Variants in UBE2D2 observed in about 807,000 individuals in gnomAD.
UBE2D2 encodes the protein ubiquitin-conjugating enzyme E2 D2.
Under a neutral mutation model 24.2 loss-of-function variants are expected in UBE2D2, and 2 were observed. The ratio of observed to expected loss-of-function variants is 0.08; its 90% CI spans 0.03 to 0.26. The LOEUF is 0.26. Among genes scored for constraint, UBE2D2 ranks in the 10% least tolerant of loss-of-function variants. The pLI, the probability that UBE2D2 is intolerant of heterozygous loss-of-function variation, is 1.00. For missense variants in UBE2D2, 44 were observed against 177.6 expected (o/e 0.25, Z 4.28); for synonymous variants, 58 against 56.5 (o/e 1.03, Z -0.12).
intron 2 of UBE2D2, among the ~76,000 whole-genome samples, chr5:139,607,605 A>G (rs144678784): frequency 8.8e-4 from 134 of 152,320 alleles, no homozygotes; most frequent in Non-Finnish European, 1.4e-3. Flanking sequence ...AATGGATTAC[A>G]TATGTTTAGT....
chr5:139,601,579 A>C (rs2126686998), intron 2 of UBE2D2, among the ~76,000 whole-genome samples: 1 of 152,162 alleles, frequency 6.6e-6, no homozygotes, highest in Non-Finnish European at 1.5e-5. Flanking sequence ...ATGCCACTGC[A>C]CTCCAGCTTG....
intron 1 of UBE2D2, among the ~76,000 whole-genome samples, chr5:139,530,245 G>A (rs1300396902): frequency 6.6e-6 from 1 of 152,102 alleles, no homozygotes; most frequent in Non-Finnish European, 1.5e-5. Flanking sequence ...CCCCCACCAG[G>A]TTATACTGGA....
chr5:139,624,601 C>T (rs1054775907), intron 6 of UBE2D2, among the ~76,000 whole-genome samples: 2 of 152,254 alleles, frequency 1.3e-5, no homozygotes, highest in Admixed American at 6.5e-5. Context: ...GCCTGGCCAA[C>T]GGGGTGAAAC....
intron 1 of UBE2D2, among the ~76,000 whole-genome samples, chr5:139,535,486 G>A (rs1051264284): frequency 1.3e-5 from 2 of 150,640 alleles, no homozygotes; most frequent in Non-Finnish European, 3.0e-5. Flanking sequence ...AAAATCAGCC[G>A]GATGCAGTGG....
intron 1 of UBE2D2, among the ~76,000 whole-genome samples, chr5:139,584,667 G>C (rs557845450): frequency 6.7e-6 from 1 of 149,952 alleles, no homozygotes; most frequent in Non-Finnish European, 1.5e-5. Context: ...CTAGTAGCTG[G>C]GATTACAGGC....
intron 1 of UBE2D2, among the ~76,000 whole-genome samples, chr5:139,568,832 A>C (rs932908558): frequency 4.6e-5 from 7 of 152,050 alleles, no homozygotes; most frequent in Middle Eastern, 3.2e-3. Context: ...TTAGCCGGGC[A>C]TGGTGGTGAG....
chr5:139,577,837 C>T (rs967039861), intron 1 of UBE2D2, among the ~76,000 whole-genome samples: 9 of 152,192 alleles, frequency 5.9e-5, no homozygotes, highest in African/African-American at 1.4e-4. Context: ...TCTCAAGCTT[C>T]GTACTGCGGT....
At chr5:139,556,093 G>A (rs997364868) in intron 1 of UBE2D2, among the ~76,000 whole-genome samples, 15 of 151,770 alleles carry the variant, frequency 9.9e-5, no homozygotes, top group Non-Finnish European at 1.8e-4. Flanking sequence ...AAAATCATCT[G>A]GGCATGGTGG....
intron 1 of UBE2D2, among the ~76,000 whole-genome samples, chr5:139,539,479 A>G (rs1237492161): frequency 1.3e-5 from 2 of 152,120 alleles, no homozygotes; most frequent in Non-Finnish European, 2.9e-5. Flanking sequence ...CATGAGGGAG[A>G]TCTTTGTGGT....
chr5:139,580,395 T>A (rs432021), intron 1 of UBE2D2, among the ~76,000 whole-genome samples: 12,532 of 151,588 alleles, frequency 0.083, 637 homozygotes, highest in African/African-American at 0.12. Flanking sequence ...CTGAGGAGAG[T>A]GGATGGCTTG....
intron 2 of UBE2D2, among the ~76,000 whole-genome samples, chr5:139,611,133 A>G (rs527849086): frequency 1.3e-5 from 2 of 151,638 alleles, no homozygotes; most frequent in African/African-American, 4.8e-5. Flanking sequence ...TTCTCCTAGA[A>G]TATAGAGGCA....
intron 5 of UBE2D2, among the ~76,000 whole-genome samples, chr5:139,622,041 A>G (rs1016081325): frequency 1.3e-5 from 2 of 152,306 alleles, no homozygotes; most frequent in African/African-American, 4.8e-5. Flanking sequence ...ATTACTAGCC[A>G]GGGACATTGA....
chr5:139,580,681 A>G lies in UBE2D2; in HGVS notation c.24+18866A>G, dbSNP rs1221871592. Among the ~76,000 whole-genome samples the G allele has an allele frequency of 1.6e-4, 25 of 151,938 alleles. 2 individuals are homozygous for G. Among genetic ancestry groups the G allele is most frequent in the Admixed American group, 1.6e-3 (25 of 15,234 alleles). On this transcript the variant is annotated intron_variant, in intron 1 of 6. Coordinates refer to ENST00000398733, the MANE Select transcript of UBE2D2 (RefSeq NM_003339.3). Reference sequence around the variant, plus strand: ...CAGATGATCTCGATCTCCTGACGTCATGATCCACCCATCTCAGCCTCCCAA... The same window carrying G: ...CAGATGATCTCGATCTCCTGACGTCGTGATCCACCCATCTCAGCCTCCCAA...
chr5:139,590,652 AAC>A (rs1399066452), intron 1 of UBE2D2, among the ~76,000 whole-genome samples: 2 of 151,942 alleles, frequency 1.3e-5, no homozygotes, highest in Non-Finnish European at 1.5e-5. Context: ...GGGAATGATA[AAC>A]ACTGTATATT....
intron 5 of UBE2D2, 112 bp from the exon 6 acceptor site, chr5:139,623,256 G>T (rs1442785048): frequency 1.9e-6 from 1 of 517,602 alleles, no homozygotes; most frequent in African/African-American, 1.9e-5. Flanking sequence ...TTACAAAGCT[G>T]CTAGGCATTA....
At chr5:139,547,452 G>C (rs1752848622) in intron 1 of UBE2D2, among the ~76,000 whole-genome samples, 1 of 151,992 alleles carries the variant, frequency 6.6e-6, no homozygotes, top group Non-Finnish European at 1.5e-5. Flanking sequence ...TTGACCTCGT[G>C]ATCCACCCAG....
In UBE2D2 at chr5:139,600,390, C is replaced by G; in HGVS notation, c.43C>G (p.Arg15Gly). 6.2e-7 allele frequency: 1 copy of G among 1,614,000 alleles called. No individual in the cohort carries two copies. The highest frequency in any genetic ancestry group is 1.1e-5 in the South Asian group (1 of 91,078). Residue 15 changes from arginine (R) to glycine (G), a missense_variant, in exon 2 of 7, where the codon CGG (arginine) becomes GGG (glycine). Coordinates refer to ENST00000398733, the MANE Select transcript of UBE2D2 (RefSeq NM_003339.3). The part of the protein sequence containing the change: ...RIHKELNDLA[R>G]DPPAQCSAGP... ...TCTGTAGGAATTGAATGATCTGGCA[C>G]GGGACCCTCCAGCACAGTGTTCAGC... is the stretch of plus-strand genomic sequence containing the variant.
intron 1 of UBE2D2, among the ~76,000 whole-genome samples, chr5:139,536,959 C>T (rs1394086621): frequency 6.6e-6 from 1 of 152,126 alleles, no homozygotes; most frequent in Non-Finnish European, 1.5e-5. Context: ...GCGGGCGGAA[C>T]ACGAGGTCAG....
At chr5:139,533,682 G>GAAAAGAAAAT (rs201165970) in intron 1 of UBE2D2, among the ~76,000 whole-genome samples, 6 of 151,636 alleles carry the variant, frequency 4.0e-5, no homozygotes, top group Non-Finnish European at 7.4e-5. Context: ...GAAAAGAAAA[G>GAAAAGAAAAT]GATTGATAAA....
Sources: gnomAD v4.1 joint callset for allele counts (sites outside exome capture counted in the v4.1 genomes callset) on GRCh38, gnomAD v4.1.1 for gene constraint, MANE v1.5 for transcripts, NCBI Gene and HGNC (gene_info 2026-07-23, HGNC 2026-07-21) for gene names.